Variants in LYPLAL1 observed in about 807,000 individuals in gnomAD.
The protein encoded by LYPLAL1 is lysophospholipase-like protein 1.
LYPLAL1 carries 23 observed loss-of-function variants against 19.7 expected under a neutral mutation model. That is an observed-to-expected ratio of 1.17 (90% CI 0.84 to 1.65). The LOEUF is 1.65. LYPLAL1 is among the 40% of genes most tolerant of loss of function. The pLI is 0.00. For missense variants in LYPLAL1, 355 were observed against 279.4 expected (o/e 1.27, Z -1.93); for synonymous variants, 119 against 96.3 (o/e 1.24, Z -1.38).
At chr1:219,367,339 T>G in the LYPLAL1 span, among the ~76,000 whole-genome samples, 5 of 152,242 alleles carry the variant, frequency 3.3e-5, no homozygotes, top group African/African-American at 1.2e-4. Flanking sequence ...AAAAATTAGT[T>G]TGATGAATCC....
chr1:219,368,909 A>G, the LYPLAL1 span, among the ~76,000 whole-genome samples: 1 of 152,216 alleles, frequency 6.6e-6, no homozygotes, highest in Non-Finnish European at 1.5e-5. Context: ...ACTATCACAA[A>G]CCTGGCACTA....
chr1:219,196,068 C>T (rs914455810), intron 3 of LYPLAL1, among the ~76,000 whole-genome samples: 1 of 152,004 alleles, frequency 6.6e-6, no homozygotes, highest in Non-Finnish European at 1.5e-5. Flanking sequence ...TTTTCTTTAC[C>T]CAGTCTGTCA....
At chr1:219,341,584 C>T in the LYPLAL1 span, among the ~76,000 whole-genome samples, 1 of 152,120 alleles carries the variant, frequency 6.6e-6, no homozygotes, top group African/African-American at 2.4e-5. Context: ...TAATGTGCTG[C>T]ATTTATTATA....
chr1:219,373,863 C>CAAAAAAAAAAAAAAA, the LYPLAL1 span, among the ~76,000 whole-genome samples: 8 of 102,206 alleles, frequency 7.8e-5, no homozygotes, highest in Admixed American at 1.1e-4. Context: ...ATAAAATTGT[C>CAAAAAAAAAAAAAAA]AAAAAAAAAA....
the LYPLAL1 span, among the ~76,000 whole-genome samples, chr1:219,218,373 T>C: frequency 6.6e-6 from 1 of 152,014 alleles, no homozygotes; most frequent in Non-Finnish European, 1.5e-5. Flanking sequence ...TTACCAACTA[T>C]TTCAGGAAAA....
At chr1:219,411,068 C>T in the LYPLAL1 span, among the ~76,000 whole-genome samples, 1 of 152,238 alleles carries the variant, frequency 6.6e-6, no homozygotes, top group African/African-American at 2.4e-5. Context: ...GGCAGCTCCA[C>T]CTGCAGCCCC....
At chr1:219,251,852 T>G in the LYPLAL1 span, among the ~76,000 whole-genome samples, 1 of 152,148 alleles carries the variant, frequency 6.6e-6, no homozygotes, top group East Asian at 1.9e-4. Context: ...GCATTGAATC[T>G]ATAAATTGCT....
chr1:219,203,452 A>G (rs2125097770), intron 3 of LYPLAL1, among the ~76,000 whole-genome samples: 1 of 152,320 alleles, frequency 6.6e-6, no homozygotes, highest in East Asian at 1.9e-4. Context: ...TTTACAGTCT[A>G]GTAAGGCAGA....
the LYPLAL1 span, among the ~76,000 whole-genome samples, chr1:219,438,843 A>G: frequency 0.038 from 5,827 of 152,304 alleles, 375 homozygotes; most frequent in African/African-American, 0.13. Context: ...TAACATATCC[A>G]TCCATCAAAA....
the LYPLAL1 span, among the ~76,000 whole-genome samples, chr1:219,419,594 C>CACAGAGAGAGAGAGAGAGAGAGAG: frequency 1.0e-5 from 1 of 99,530 alleles, no homozygotes; most frequent in African/African-American, 4.0e-5. Context: ...CACACACACA[C>CACAGAGAGAGAGAGAGAGAGAGAG]AGAGAGAGAG....
chr1:219,192,015 T>C (rs1388808530), intron 2 of LYPLAL1, among the ~76,000 whole-genome samples: 1 of 151,564 alleles, frequency 6.6e-6, no homozygotes, highest in Non-Finnish European at 1.5e-5. Context: ...TCAAGCCCCT[T>C]AAGTGGATGT....
chr1:219,359,737 G>T, the LYPLAL1 span, among the ~76,000 whole-genome samples: 1 of 152,088 alleles, frequency 6.6e-6, no homozygotes, highest in Non-Finnish European at 1.5e-5. Flanking sequence ...TGATTGTAAA[G>T]AAAAAATGCA....
At chr1:219,425,669 A>G in the LYPLAL1 span, among the ~76,000 whole-genome samples, 1 of 152,206 alleles carries the variant, frequency 6.6e-6, no homozygotes, top group African/African-American at 2.4e-5. Flanking sequence ...AATTTAGTAT[A>G]GGACCTGGCC....
intron 3 of LYPLAL1, among the ~76,000 whole-genome samples, chr1:219,208,591 C>T (rs1333322768): frequency 1.3e-5 from 2 of 151,972 alleles, no homozygotes; most frequent in Non-Finnish European, 2.9e-5. Context: ...GAAACTGACT[C>T]ATTAGTATGC....
the LYPLAL1 span, among the ~76,000 whole-genome samples, chr1:219,246,634 T>G: frequency 1.7e-4 from 26 of 152,302 alleles, no homozygotes; most frequent in Admixed American, 3.9e-4. Context: ...TTGCCCAGGC[T>G]CAAGTGCAGT....
chr1:219,328,710 A>G, the LYPLAL1 span, among the ~76,000 whole-genome samples: 696 of 152,298 alleles, frequency 4.6e-3, 5 homozygotes, highest in Middle Eastern at 6.8e-3. Context: ...TACAGTATCT[A>G]TATCAATAAG....
chr1:219,179,884 G>A (rs1408170520), intron 2 of LYPLAL1, among the ~76,000 whole-genome samples: 1 of 152,148 alleles, frequency 6.6e-6, no homozygotes, highest in African/African-American at 2.4e-5. Context: ...AACACATGCC[G>A]TAAATCAGGG....
the LYPLAL1 span, among the ~76,000 whole-genome samples, chr1:219,269,743 C>T: frequency 6.6e-6 from 1 of 152,068 alleles, no homozygotes; most frequent in Non-Finnish European, 1.5e-5. Flanking sequence ...TTTATTTTTA[C>T]AAGACATGTT....
intron 3 of LYPLAL1, 174 bp downstream of exon 3, chr1:219,193,425 C>A (rs760390871): frequency 7.9e-6 from 3 of 380,332 alleles, no homozygotes; most frequent in East Asian, 4.0e-5. Context: ...TAAACAGCAG[C>A]GCATGAAACT....
Sources: gnomAD v4.1 joint callset for allele counts (sites outside exome capture counted in the v4.1 genomes callset) on GRCh38, gnomAD v4.1.1 for gene constraint, MANE v1.5 for transcripts, NCBI Gene and HGNC (gene_info 2026-07-23, HGNC 2026-07-21) for gene names.